Variants in SH3GLB1 observed in about 807,000 individuals in gnomAD.
SH3GLB1 encodes the protein SH3 domain containing GRB2 like, endophilin B1.
Under a neutral mutation model 42.0 loss-of-function variants are expected in SH3GLB1, and 17 were observed. That is an observed-to-expected ratio of 0.40 (90% confidence interval 0.28 to 0.61). SH3GLB1 has a LOEUF of 0.61. SH3GLB1 is among the 20% of genes least tolerant of loss of function. The pLI, the probability that SH3GLB1 is intolerant of heterozygous loss-of-function variation, is 0.36. For missense variants in SH3GLB1, 355 were observed against 426.3 expected (o/e 0.83, Z 1.47); for synonymous variants, 132 against 146.6 (o/e 0.90, Z 0.72).
At chr1:86,706,308 C>T (rs1653864590) in intron 1 of SH3GLB1, among the ~76,000 whole-genome samples, 1 of 152,128 alleles carries the variant, frequency 6.6e-6, no homozygotes, top group Non-Finnish European at 1.5e-5. Context: ...CTAGAGAGAC[C>T]TTAAAAATCA....
At chr1:86,713,132 T>G (rs1654310158) in intron 1 of SH3GLB1, among the ~76,000 whole-genome samples, 2 of 152,052 alleles carry the variant, frequency 1.3e-5, no homozygotes, top group Non-Finnish European at 1.5e-5. Context: ...TATTTTATAT[T>G]TATTTATTTT....
chr1:86,726,152 C>T (rs1282138252), intron 5 of SH3GLB1, among the ~76,000 whole-genome samples: 1 of 152,034 alleles, frequency 6.6e-6, no homozygotes, highest in Admixed American at 6.5e-5. Flanking sequence ...GATATTTTAA[C>T]TGGGACAGAA....
chr1:86,712,406 G>A (rs576254330), intron 1 of SH3GLB1, among the ~76,000 whole-genome samples: 21 of 152,162 alleles, frequency 1.4e-4, no homozygotes, highest in Non-Finnish European at 2.5e-4. Context: ...GGGTAGTATA[G>A]CATGATAAGA....
In SH3GLB1 at chr1:86,745,086, A is replaced by G. The variant is rs1220630321; in HGVS notation, c.*1851A>G. On this transcript the variant is annotated 3_prime_UTR_variant, in exon 9 of 9. Transcript: ENST00000370558. ...AGATCGACTTAAACAGCAACTATGA[A>G]TTAGGTTTATGGGAAATGTAGTAAT... is the stretch of plus-strand genomic sequence containing the variant. 2 of 152,210 alleles carry G rather than the reference A, an allele frequency of 1.3e-5. No homozygotes were observed. Among genetic ancestry groups the G allele is most frequent in the African/African-American group, 4.8e-5 (2 of 41,456 alleles). The allele number at this position is 152,210 out of a possible 1,614,324, so 9.4% of individuals were successfully genotyped here.
chr1:86,715,692 A>G (rs1654479445), intron 1 of SH3GLB1, 32 bp from the exon 2 acceptor site: 1 of 1,563,054 alleles, frequency 6.4e-7, no homozygotes, highest in Non-Finnish European at 8.6e-7. Flanking sequence ...TATTTGCAGT[A>G]TATTTAATTT....
intron 7 of SH3GLB1, among the ~76,000 whole-genome samples, chr1:86,737,207 T>A (rs534465456): frequency 2.0e-5 from 3 of 152,198 alleles, no homozygotes; most frequent in Non-Finnish European, 4.4e-5. Context: ...CATTTCAAGC[T>A]CCAGTGGCTT....
intron 2 of SH3GLB1, among the ~76,000 whole-genome samples, chr1:86,717,557 G>A (rs1654607003): frequency 1.3e-5 from 2 of 152,064 alleles, no homozygotes; most frequent in Admixed American, 6.6e-5. Flanking sequence ...GAGTAGCTGG[G>A]ATTACAGGTG....
intron 1 of SH3GLB1, 106 bp downstream of exon 1, chr1:86,705,077 C>G (rs1189875688): frequency 1.4e-6 from 1 of 707,374 alleles, no homozygotes; most frequent in Non-Finnish European, 2.2e-6. Flanking sequence ...ACCCAGCGGG[C>G]CTGCTGCAGC....
rs1427820161 is a variant in SH3GLB1 at position 86,746,182 on chromosome 1, A to T, written c.*2947A>T. ...ATAGTCTCCTGTTATCCTCCCCCTG[A>T]ACAAAGAACAAAGTGAGACTGGGAA... On this transcript the variant is annotated 3_prime_UTR_variant, in exon 9 of 9. Transcript: ENST00000370558. 2 of 152,728 alleles carry T rather than the reference A, an allele frequency of 1.3e-5. No homozygotes were observed. Among genetic ancestry groups the T allele is most frequent in the East Asian group, 3.9e-4 (2 of 5,176 alleles). The allele number at this position is 152,728 out of a possible 1,614,324, so 9.5% of individuals were successfully genotyped here.
intron 7 of SH3GLB1, among the ~76,000 whole-genome samples, chr1:86,738,315 G>GA (rs1655882633): frequency 6.6e-6 from 1 of 152,020 alleles, no homozygotes; most frequent in Non-Finnish European, 1.5e-5. Context: ...GCCCAGGCTG[G>GA]AGTGCAGTGG....
At chr1:86,733,338 A>G (rs1448877204) in intron 5 of SH3GLB1, among the ~76,000 whole-genome samples, 1 of 152,216 alleles carries the variant, frequency 6.6e-6, no homozygotes, top group Non-Finnish European at 1.5e-5. Flanking sequence ...ACTTCCTTGT[A>G]GACTGGTTTA....
At chr1:86,724,912 T>TATATATATATAG (rs1380448898) in intron 5 of SH3GLB1, among the ~76,000 whole-genome samples, 1 of 123,130 alleles carries the variant, frequency 8.1e-6, no homozygotes, top group African/African-American at 3.6e-5. Flanking sequence ...TATATATATA[T>TATATATATATAG]AAAATATATA....
At chr1:86,728,252 AG>A (rs1278682256) in intron 5 of SH3GLB1, 3 of 407,274 alleles carry the variant, frequency 7.4e-6, no homozygotes, top group Admixed American at 4.5e-5. Flanking sequence ...GCAGTTTCAC[AG>A]AACAATAAAT....
rs1372128564 is a variant in SH3GLB1, at chr1:86,746,833, A to C, written c.*3598A>C. ...CAGTGAGCCAAGATTGCACCACTGC[A>C]CTCCAACCTGGGTGATAGAATAAGA... is the stretch of plus-strand genomic sequence containing the variant. On this transcript the variant is annotated 3_prime_UTR_variant, in exon 9 of 9. Coordinates refer to ENST00000370558, the MANE Select transcript of SH3GLB1 (RefSeq NM_016009.5). 2.6e-5 allele frequency: 4 copies of C among 152,310 alleles called. No homozygotes were observed. Among genetic ancestry groups the C allele is most frequent in the South Asian group, 2.1e-4 (1 of 4,828 alleles). The allele number at this position is 152,310 out of a possible 1,614,324, so 9.4% of individuals were successfully genotyped here.
intron 1 of SH3GLB1, among the ~76,000 whole-genome samples, chr1:86,708,022 G>A (rs959487232): frequency 3.3e-5 from 5 of 152,216 alleles, no homozygotes; most frequent in Non-Finnish European, 1.5e-5. Flanking sequence ...GATAGTTGTG[G>A]AAGGTTGGTT....
chr1:86,741,172 T>C (rs568314343), intron 7 of SH3GLB1, among the ~76,000 whole-genome samples: 86 of 152,254 alleles, frequency 5.6e-4, no homozygotes, highest in African/African-American at 2.1e-3. Flanking sequence ...AGATAAACGC[T>C]AGCACTGGAG....
In SH3GLB1 at chr1:86,704,848, C is replaced by T. The variant is rs556227311; in HGVS notation, c.-52C>T. The stretch of plus-strand genomic sequence containing the variant: ...CCTGCGCCCCAGCCCGGCCGCGGCA[C>T]CTCCGCCTCGCCGCCGCTAGGTCGG... On this transcript the variant is annotated 5_prime_UTR_variant, in exon 1 of 9. Coordinates refer to ENST00000370558, the MANE Select transcript of SH3GLB1 (RefSeq NM_016009.5). 6.7e-6 allele frequency: 9 copies of T among 1,348,334 alleles called. No individual in the cohort carries two copies. The highest frequency in any genetic ancestry group is 2.6e-5 in the South Asian group (2 of 77,494). 83.5% of individuals were successfully genotyped at this position (1,348,334 alleles called of 1,614,324 possible). A position where few individuals can be genotyped will look rare whatever the true frequency, so the allele number is the denominator to read the frequency against.
At position 86,743,242 on chromosome 1, in the gene SH3GLB1, G is replaced by A. The variant is rs1172228803; in HGVS notation, c.*7G>A. The stretch of plus-strand genomic sequence containing the variant: ...CTTAGAACTGCTCAATTAAGTAGGT[G>A]GACTATGGAAAGGTTGCCCATCATG... On this transcript the variant is annotated 3_prime_UTR_variant, in exon 9 of 9. Coordinates refer to ENST00000370558, the MANE Select transcript of SH3GLB1 (RefSeq NM_016009.5). 2.5e-6 allele frequency: 4 copies of A among 1,577,404 alleles called. No individual in the cohort carries two copies. Among genetic ancestry groups the A allele is most frequent in the Non-Finnish European group, 3.4e-6 (4 of 1,163,520 alleles).
chr1:86,726,250 A>G (rs1316929955), intron 5 of SH3GLB1, among the ~76,000 whole-genome samples: 1 of 152,112 alleles, frequency 6.6e-6, no homozygotes, highest in African/African-American at 2.4e-5. Context: ...ACTTTGTTTA[A>G]AAAGCACTAT....
Sources: allele counts gnomAD v4.1 joint callset (sites outside exome capture counted in the v4.1 genomes callset), GRCh38; gene constraint gnomAD v4.1.1; transcripts MANE v1.5; gene names NCBI Gene and HGNC (gene_info 2026-07-23, HGNC 2026-07-21).